The following MARCHF4 variants were observed in gnomAD, a reference collection of about 807,000 sequenced individuals.
MARCHF4 encodes membrane associated ring-CH-type finger 4, also known as E3 ubiquitin-protein ligase MARCHF4.
Under a neutral mutation model 43.9 loss-of-function variants are expected in MARCHF4, and 14 were observed. The observed-to-expected ratio is 0.32, with a 90% CI of 0.21 to 0.50. The LOEUF is 0.50. MARCHF4 is among the 20% of genes least tolerant of loss of function. The probability of loss-of-function intolerance (pLI) is 0.98; values close to 1 mark genes in which losing one functional copy is unlikely to be tolerated. For synonymous variants in MARCHF4, 226 were observed against 213.3 expected (o/e 1.06, Z -0.52); for missense variants, 468 against 536.7 (o/e 0.87, Z 1.27).
intron 1 of MARCHF4, among the ~76,000 whole-genome samples, chr2:216,311,706 TACCAG>T: frequency 6.6e-6 from 1 of 152,322 alleles, no homozygotes; most frequent in South Asian, 2.1e-4. Flanking sequence ...TATTTTAAAT[TACCAG>T]ACCATGGGCT....
chr2:216,329,365 A>C (rs187921690), intron 1 of MARCHF4, among the ~76,000 whole-genome samples: 1 of 152,208 alleles, frequency 6.6e-6, no homozygotes, highest in African/African-American at 2.4e-5. Flanking sequence ...TGGGTGACAG[A>C]GCGAGACTCA....
chr2:216,288,610 G>A (rs1691257032), intron 1 of MARCHF4, among the ~76,000 whole-genome samples: 1 of 152,068 alleles, frequency 6.6e-6, no homozygotes, highest in African/African-American at 2.4e-5. Flanking sequence ...ATCTGGGGAA[G>A]CTTCTTTTCA....
At chr2:216,292,906 AT>A (rs750798910) in intron 1 of MARCHF4, among the ~76,000 whole-genome samples, 170 of 152,328 alleles carry the variant, frequency 1.1e-3, no homozygotes, top group Non-Finnish European at 1.3e-3. Context: ...ATCAAGAAAA[AT>A]GACCTATCAT....
intron 1 of MARCHF4, among the ~76,000 whole-genome samples, chr2:216,353,100 G>A (rs1025387832): frequency 1.1e-4 from 16 of 152,188 alleles, no homozygotes; most frequent in Admixed American, 9.2e-4. Flanking sequence ...CATTTCCTGT[G>A]CCTTTTCTAA....
chr2:216,273,084 G>C (rs1040055020), intron 3 of MARCHF4, among the ~76,000 whole-genome samples: 2 of 152,234 alleles, frequency 1.3e-5, no homozygotes, highest in African/African-American at 4.8e-5. Context: ...GTCCTGCACA[G>C]CATCCTCCTG....
chr2:216,337,859 T>TCC (rs1246488219), intron 1 of MARCHF4, among the ~76,000 whole-genome samples: 2 of 152,206 alleles, frequency 1.3e-5, no homozygotes, highest in Non-Finnish European at 2.9e-5. Context: ...CCTCTAACTG[T>TCC]TGAGTGGCAG....
At chr2:216,301,798 C>T (rs988094506) in intron 1 of MARCHF4, among the ~76,000 whole-genome samples, 7 of 152,220 alleles carry the variant, frequency 4.6e-5, no homozygotes, top group African/African-American at 1.4e-4. Context: ...TACTTAACCT[C>T]TTGGTGCCTT....
chr2:216,366,012 A>G (rs1692661376), intron 1 of MARCHF4, among the ~76,000 whole-genome samples: 1 of 152,242 alleles, frequency 6.6e-6, no homozygotes, highest in African/African-American at 2.4e-5. Flanking sequence ...TGCCACAATC[A>G]TAGTGGCTTC....
chr2:216,341,856 G>A (rs1461440382), intron 1 of MARCHF4, among the ~76,000 whole-genome samples: 1 of 152,196 alleles, frequency 6.6e-6, no homozygotes, highest in Non-Finnish European at 1.5e-5. Context: ...CAGCCAGGAT[G>A]GTGGAATCCC....
At chr2:216,314,510 A>G (rs992612056) in intron 1 of MARCHF4, among the ~76,000 whole-genome samples, 1 of 152,060 alleles carries the variant, frequency 6.6e-6, no homozygotes, top group Non-Finnish European at 1.5e-5. Flanking sequence ...TTTTGTAGAG[A>G]TGGGTTTTCA....
At chr2:216,296,221 C>A (rs1691391094) in intron 1 of MARCHF4, among the ~76,000 whole-genome samples, 1 of 152,148 alleles carries the variant, frequency 6.6e-6, no homozygotes. Flanking sequence ...TGGCATGTGC[C>A]TGTAGTCCCA....
At chr2:216,341,369 T>A (rs1253642616) in intron 1 of MARCHF4, among the ~76,000 whole-genome samples, 2 of 152,212 alleles carry the variant, frequency 1.3e-5, no homozygotes, top group Non-Finnish European at 2.9e-5. Flanking sequence ...CCTGCTTGCC[T>A]ATTCCACAGG....
intron 1 of MARCHF4, among the ~76,000 whole-genome samples, chr2:216,319,472 G>A (rs912079957): frequency 6.6e-5 from 10 of 152,140 alleles, no homozygotes; most frequent in Admixed American, 2.0e-4. Context: ...CAGGTTACAT[G>A]TCCTGTCTAG....
chr2:216,328,453 A>C (rs536889027), intron 1 of MARCHF4, among the ~76,000 whole-genome samples: 1 of 152,332 alleles, frequency 6.6e-6, no homozygotes, highest in African/African-American at 2.4e-5. Context: ...TGAGGCTTAG[A>C]AATATGAAAT....
chr2:216,309,560 T>C (rs888084061), intron 1 of MARCHF4, among the ~76,000 whole-genome samples: 1 of 152,124 alleles, frequency 6.6e-6, no homozygotes, highest in Non-Finnish European at 1.5e-5. Context: ...CAGTGATTGG[T>C]TTAGAAATGG....
chr2:216,355,157 A>G (rs1305582940), intron 1 of MARCHF4, among the ~76,000 whole-genome samples: 2 of 151,960 alleles, frequency 1.3e-5, no homozygotes, highest in East Asian at 3.9e-4. Flanking sequence ...TTTTTAGTAG[A>G]GACGGGGTTT....
intron 1 of MARCHF4, among the ~76,000 whole-genome samples, chr2:216,349,086 G>C (rs750736933): frequency 6.6e-6 from 1 of 151,976 alleles, no homozygotes; most frequent in Non-Finnish European, 1.5e-5. Context: ...CTGCATCTGA[G>C]AGCAAGAAGG....
At chr2:216,321,128 G>A (rs1279966589) in intron 1 of MARCHF4, among the ~76,000 whole-genome samples, 2 of 152,010 alleles carry the variant, frequency 1.3e-5, no homozygotes, top group East Asian at 3.9e-4. Context: ...CAGAAAATAG[G>A]CTTCCTACTG....
intron 3 of MARCHF4, among the ~76,000 whole-genome samples, chr2:216,271,957 A>ATTT (rs57629851): frequency 0.04 from 3,989 of 100,488 alleles, 397 homozygotes; most frequent in African/African-American, 0.15. Flanking sequence ...CACCTGGCTA[A>ATTT]TTTTTTTTTT....
Sources: gnomAD v4.1 joint callset for allele counts (sites outside exome capture counted in the v4.1 genomes callset) on GRCh38, gnomAD v4.1.1 for gene constraint, MANE v1.5 for transcripts, NCBI Gene and HGNC (gene_info 2026-07-23, HGNC 2026-07-21) for gene names.